MDFIC: variants seen among roughly 807,000 people sequenced by gnomAD.
The protein encoded by MDFIC is myoD family inhibitor domain-containing protein.
In MDFIC, 17 loss-of-function variants were observed where a neutral mutation model predicts 23.2. The ratio of observed to expected loss-of-function variants is 0.73; its 90% CI spans 0.50 to 1.10. MDFIC has a LOEUF of 1.10. MDFIC is among the 50% of genes least tolerant of loss of function. The pLI is 0.00. For missense variants in MDFIC, 356 were observed against 316.6 expected (o/e 1.12, Z -0.95); for synonymous variants, 120 against 115.2 (o/e 1.04, Z -0.27).
intron 3 of MDFIC, among the ~76,000 whole-genome samples, chr7:114,974,540 A>G (rs1793270275): frequency 6.6e-6 from 1 of 152,150 alleles, no homozygotes. Flanking sequence ...ACTGAATAGC[A>G]TGAGAATTCT....
At chr7:114,976,416 A>G (rs1793315791) in intron 3 of MDFIC, among the ~76,000 whole-genome samples, 1 of 152,110 alleles carries the variant, frequency 6.6e-6, no homozygotes, top group African/African-American at 2.4e-5. Flanking sequence ...TTTATGTTCA[A>G]TAGCGGTCAT....
chr7:114,925,002 T>C (rs1347189900), intron 2 of MDFIC, among the ~76,000 whole-genome samples: 2 of 152,208 alleles, frequency 1.3e-5, no homozygotes, highest in Non-Finnish European at 2.9e-5. Flanking sequence ...TTGGATTCTT[T>C]ATCATCCTTT....
intron 3 of MDFIC, among the ~76,000 whole-genome samples, chr7:114,956,005 A>G (rs1241814356): frequency 2.0e-5 from 3 of 152,088 alleles, no homozygotes; most frequent in Non-Finnish European, 4.4e-5. Context: ...TTCAGCATAC[A>G]CCCTTAACCC....
At chr7:114,986,739 A>G (rs1273943908) in intron 4 of MDFIC, among the ~76,000 whole-genome samples, 2 of 152,180 alleles carry the variant, frequency 1.3e-5, no homozygotes, top group African/African-American at 4.8e-5. Context: ...CTTAGTCATC[A>G]TCTCCTGATG....
At chr7:114,933,253 C>CT (rs34608476) in intron 2 of MDFIC, among the ~76,000 whole-genome samples, 113,442 of 135,916 alleles carry the variant, frequency 0.83, 47,809 homozygotes, top group Admixed American at 0.9. Flanking sequence ...GTGTTCCATT[C>CT]TTTTTTTTTT....
At position 114,975,713 on chromosome 7, in the gene MDFIC, C is replaced by T. The variant is rs143143603; in HGVS notation, c.218-3793C>T. ...CTACTTGGTTTTAACTCTAATTTTA[C>T]CATAAGATTCAAGTCATACCCATAA... is the stretch of plus-strand genomic sequence containing the variant. On this transcript the variant is annotated intron_variant, in intron 3 of 4. Coordinates refer to ENST00000393486, the MANE Select transcript of MDFIC (RefSeq NM_001166345.3). 1.8e-3 allele frequency among the ~76,000 whole-genome samples: 277 copies of T among 152,008 alleles called. 1 individual carries two copies. The highest frequency in any genetic ancestry group is 2.9e-3 in the Non-Finnish European group (199 of 67,930).
intron 4 of MDFIC, among the ~76,000 whole-genome samples, chr7:114,987,627 T>G (rs1490208840): frequency 6.6e-6 from 1 of 152,142 alleles, no homozygotes; most frequent in Non-Finnish European, 1.5e-5. Flanking sequence ...AAAATAGGAC[T>G]TCAAGAAATG....
At chr7:114,926,053 G>A (rs1229251749) in intron 2 of MDFIC, among the ~76,000 whole-genome samples, 2 of 152,164 alleles carry the variant, frequency 1.3e-5, no homozygotes, top group Non-Finnish European at 2.9e-5. Flanking sequence ...GATCTTGTTT[G>A]TGTGGTCCCT....
chr7:114,984,899 T>C (rs1367474511), intron 4 of MDFIC, among the ~76,000 whole-genome samples: 1 of 152,222 alleles, frequency 6.6e-6, no homozygotes, highest in African/African-American at 2.4e-5. Flanking sequence ...TTACACCCCA[T>C]ACTTGATATT....
At chr7:114,999,042 A>C (rs1451720330) in intron 4 of MDFIC, among the ~76,000 whole-genome samples, 2 of 151,516 alleles carry the variant, frequency 1.3e-5, no homozygotes, top group Non-Finnish European at 1.5e-5. Context: ...TCTGTTCCCC[A>C]TGTCTCTTTC....
At chr7:114,928,277 T>G in intron 2 of MDFIC, among the ~76,000 whole-genome samples, 1 of 151,710 alleles carries the variant, frequency 6.6e-6, no homozygotes. Context: ...TAAGAAAGCA[T>G]TTGGAGAGGT....
intron 3 of MDFIC, among the ~76,000 whole-genome samples, chr7:114,978,144 C>T (rs1228948940): frequency 6.6e-6 from 1 of 151,814 alleles, no homozygotes; most frequent in East Asian, 1.9e-4. Context: ...TCATAAGCTT[C>T]ATTGGCTTGT....
intron 3 of MDFIC, among the ~76,000 whole-genome samples, chr7:114,953,803 T>C (rs570613361): frequency 6.6e-6 from 1 of 152,324 alleles, no homozygotes; most frequent in Non-Finnish European, 1.5e-5. Context: ...TACTTTAAAT[T>C]GTCTCTACAT....
intron 2 of MDFIC, chr7:114,923,388 C>T: frequency 7.0e-7 from 1 of 1,434,648 alleles, no homozygotes; most frequent in South Asian, 1.2e-5. Context: ...GACAGGATTG[C>T]TTCTTTCTTA....
intron 3 of MDFIC, among the ~76,000 whole-genome samples, chr7:114,950,620 A>T (rs922820776): frequency 2.6e-5 from 4 of 152,198 alleles, no homozygotes; most frequent in African/African-American, 9.7e-5. Context: ...AATGAGAAAT[A>T]TGAATTTAAG....
chr7:115,014,434 G>C (rs1424401892), intron 4 of MDFIC: 3 of 1,289,578 alleles, frequency 2.3e-6, no homozygotes, highest in Middle Eastern at 2.1e-4. Flanking sequence ...CAACAAGCTG[G>C]TTTTCTTTCC....
chr7:114,973,676 G>A (rs1366242372), intron 3 of MDFIC, among the ~76,000 whole-genome samples: 1 of 152,108 alleles, frequency 6.6e-6, no homozygotes, highest in Non-Finnish European at 1.5e-5. Flanking sequence ...AACTTCTAAA[G>A]TTTTATCCTT....
intron 4 of MDFIC, among the ~76,000 whole-genome samples, chr7:114,997,363 C>A (rs1328505244): frequency 6.6e-6 from 1 of 151,794 alleles, no homozygotes; most frequent in Non-Finnish European, 1.5e-5. Flanking sequence ...AGATTCATTA[C>A]AAAGTACCCT....
intron 2 of MDFIC, among the ~76,000 whole-genome samples, chr7:114,941,501 T>G (rs2115758181): frequency 6.6e-6 from 1 of 152,324 alleles, no homozygotes; most frequent in East Asian, 1.9e-4. Flanking sequence ...GAAATCCAAC[T>G]AATCTTTTGA....
Sources: allele counts gnomAD v4.1 joint callset (sites outside exome capture counted in the v4.1 genomes callset), GRCh38; gene constraint gnomAD v4.1.1; transcripts MANE v1.5; gene names NCBI Gene and HGNC (gene_info 2026-07-23, HGNC 2026-07-21).